WASHC3: variants seen among roughly 807,000 people sequenced by gnomAD.
The protein encoded by WASHC3 is WASH complex subunit CCDC53.
In WASHC3, 24 loss-of-function variants were observed where a neutral mutation model predicts 26.1. That is an observed-to-expected ratio of 0.92 (90% CI 0.66 to 1.29). WASHC3 has a LOEUF of 1.29. Among genes scored for constraint, WASHC3 ranks in the 50% most tolerant of loss-of-function variants. The pLI is 0.00. For synonymous variants in WASHC3, 77 were observed against 75.7 expected, an observed-to-expected ratio of 1.02 and a Z score of -0.09; for missense variants, 214 against 229.6, an observed-to-expected ratio of 0.93 and a Z score of 0.44.
At chr12:102,039,820 A>G (rs1594361776) in intron 5 of WASHC3, 48 bp downstream of exon 5, 2 of 853,686 alleles carry the variant, frequency 2.3e-6, no homozygotes, top group East Asian at 5.2e-5. Flanking sequence ...AGGGTTAAGA[A>G]TTTCAAGTGA....
intron 2 of WASHC3, among the ~76,000 whole-genome samples, chr12:102,051,416 C>T (rs1161882164): frequency 2.0e-5 from 3 of 152,152 alleles, no homozygotes; most frequent in Non-Finnish European, 4.4e-5. Flanking sequence ...GAAAATGGCA[C>T]CTTACATTTG....
At chr12:102,060,377 G>A (rs977902687) in intron 2 of WASHC3, among the ~76,000 whole-genome samples, 4 of 152,226 alleles carry the variant, frequency 2.6e-5, no homozygotes, top group African/African-American at 7.2e-5. Context: ...ATTCCCGGGC[G>A]CAAGTGATCC....
intron 5 of WASHC3, among the ~76,000 whole-genome samples, chr12:102,030,975 C>A (rs937124801): frequency 7.2e-5 from 11 of 152,064 alleles, no homozygotes; most frequent in Non-Finnish European, 4.4e-5. Context: ...AGGGCAAATA[C>A]ATAATAGGCA....
chr12:102,037,154 G>T (rs1565816034), intron 5 of WASHC3, among the ~76,000 whole-genome samples: 1 of 152,132 alleles, frequency 6.6e-6, no homozygotes, highest in Non-Finnish European at 1.5e-5. Context: ...CTGAGTTAGT[G>T]TGAAAAAGGA....
Position 102,034,192 on chromosome 12 carries a change from C to G in WASHC3, c.435+5676G>C, listed in dbSNP as rs767557471. ...AACCCTGTTTGTTCTCAGTTATACT[C>G]AAAGAATTGAACCACATTTTCAGAG... is the stretch of plus-strand genomic sequence containing the variant. On this transcript the variant is annotated intron_variant, in intron 5 of 6. Transcript: ENST00000240079. Among the ~76,000 whole-genome samples, 42 of 152,112 alleles carry G rather than the reference C, an allele frequency of 2.8e-4. 1 individual carries two copies. Among genetic ancestry groups the G allele is most frequent in the Admixed American group, 5.9e-4 (9 of 15,280 alleles).
intron 2 of WASHC3, among the ~76,000 whole-genome samples, chr12:102,049,813 A>C (rs1308845768): frequency 1.3e-5 from 2 of 152,204 alleles, no homozygotes; most frequent in Non-Finnish European, 2.9e-5. Context: ...GCAGTGGTTA[A>C]AGATATAAGA....
At chr12:102,025,823 G>T (rs909874497) in intron 6 of WASHC3, 151 bp downstream of exon 6, 6 of 589,582 alleles carry the variant, frequency 1.0e-5, no homozygotes, top group African/African-American at 9.6e-5. Flanking sequence ...TTTCTGTTTG[G>T]TAACATAACA....
intron 5 of WASHC3, among the ~76,000 whole-genome samples, chr12:102,036,675 G>A (rs2121391806): frequency 6.6e-6 from 1 of 152,230 alleles, no homozygotes; most frequent in South Asian, 2.1e-4. Flanking sequence ...GCAAAAGAAG[G>A]TCAAGTCCAT....
intron 6 of WASHC3, among the ~76,000 whole-genome samples, chr12:102,025,113 C>T (rs894369366): frequency 2.3e-4 from 35 of 152,166 alleles, no homozygotes; most frequent in African/African-American, 8.0e-4. Context: ...AAAGTGTACA[C>T]ATTTTCTTGG....
chr12:102,055,273 A>T (rs1434762170), intron 2 of WASHC3, among the ~76,000 whole-genome samples: 1 of 152,262 alleles, frequency 6.6e-6, no homozygotes, highest in African/African-American at 2.4e-5. Flanking sequence ...AATGCAGCTC[A>T]GTGACGTTAT....
intron 5 of WASHC3, among the ~76,000 whole-genome samples, chr12:102,037,307 A>G (rs1265600343): frequency 6.6e-6 from 1 of 152,248 alleles, no homozygotes; most frequent in East Asian, 1.9e-4. Context: ...TGTGGAGTTT[A>G]TAACTTTGTA....
At chr12:102,024,925 T>C (rs911439659) in intron 6 of WASHC3, among the ~76,000 whole-genome samples, 5 of 152,208 alleles carry the variant, frequency 3.3e-5, no homozygotes, top group African/African-American at 1.2e-4. Context: ...ATCTCGGAGA[T>C]GCTTCAGTTC....
At chr12:102,060,260 T>G (rs529718910) in intron 2 of WASHC3, among the ~76,000 whole-genome samples, 1 of 152,344 alleles carries the variant, frequency 6.6e-6, no homozygotes, top group South Asian at 2.1e-4. Context: ...TTTGGCTTTT[T>G]AAAAGACAGG....
At chr12:102,020,163 C>T (rs577103480) in intron 6 of WASHC3, among the ~76,000 whole-genome samples, 1 of 152,194 alleles carries the variant, frequency 6.6e-6, no homozygotes, top group Non-Finnish European at 1.5e-5. Flanking sequence ...AACTCTCTCT[C>T]TGTTCAACTG....
At chr12:102,036,507 G>T (rs1044752645) in intron 5 of WASHC3, among the ~76,000 whole-genome samples, 1 of 152,088 alleles carries the variant, frequency 6.6e-6, no homozygotes, top group Non-Finnish European at 1.5e-5. Flanking sequence ...CTAGTTTTAG[G>T]ATGGCAGTTT....
At chr12:102,040,549 C>T (rs1877896829) in intron 4 of WASHC3, 1 of 151,966 alleles carries the variant, frequency 6.6e-6, no homozygotes, top group African/African-American at 2.4e-5. Context: ...TTATACATTT[C>T]AGATACTGAT....
chr12:102,055,351 G>C (rs1161103678), intron 2 of WASHC3, among the ~76,000 whole-genome samples: 7 of 151,974 alleles, frequency 4.6e-5, no homozygotes, highest in Non-Finnish European at 7.4e-5. Flanking sequence ...TTTTTCTTTT[G>C]TTTTGTTTTT....
At chr12:102,051,783 T>G (rs1237196384) in intron 2 of WASHC3, among the ~76,000 whole-genome samples, 1 of 152,238 alleles carries the variant, frequency 6.6e-6, no homozygotes, top group Non-Finnish European at 1.5e-5. Context: ...TCTTAGTTTC[T>G]GTATCTGTAT....
intron 6 of WASHC3, among the ~76,000 whole-genome samples, chr12:102,018,528 A>G (rs1876807866): frequency 6.6e-6 from 1 of 152,246 alleles, no homozygotes; most frequent in Non-Finnish European, 1.5e-5. Flanking sequence ...GCTGGAGTGC[A>G]GTGGCACGGT....
Sources: allele counts gnomAD v4.1 joint callset (sites outside exome capture counted in the v4.1 genomes callset), GRCh38; gene constraint gnomAD v4.1.1; transcripts MANE v1.5; gene names NCBI Gene and HGNC (gene_info 2026-07-23, HGNC 2026-07-21).